The following PCDHGA2 variants were observed in gnomAD, a reference collection of about 807,000 sequenced individuals.
The protein encoded by PCDHGA2 is protocadherin gamma-A2.
PCDHGA2 carries 40 observed loss-of-function variants against 59.2 expected under a neutral mutation model. The ratio of observed to expected loss-of-function variants is 0.68; its 90% CI spans 0.52 to 0.88. The LOEUF (loss-of-function observed/expected upper bound fraction) is 0.88. Among genes scored for constraint, PCDHGA2 ranks in the 40% least tolerant of loss-of-function variants. PCDHGA2 has a pLI of 0.00. For missense variants in PCDHGA2, 1,226 were observed against 1,204.0 expected (o/e 1.02, Z -0.27); for synonymous variants, 560 against 526.0 (o/e 1.06, Z -0.89).
chr5:141,486,506 A>C lies in PCDHGA2; in HGVS notation c.2425-8301A>C. The C allele has an allele frequency of 6.2e-7, 1 of 1,614,134 alleles. No individual in the cohort carries two copies. The highest frequency in any genetic ancestry group is 8.5e-7 in the Non-Finnish European group (1 of 1,180,006). Reference sequence around the variant, plus strand: ...TACCCACAGAACTATTTTCCTCAATATTTCAGATGTGAATGATAATCCACC... The same window carrying C: ...TACCCACAGAACTATTTTCCTCAATCTTTCAGATGTGAATGATAATCCACC... On this transcript the variant is annotated intron_variant, in intron 1 of 3. Transcript: ENST00000394576. The surrounding 1 kb of genome is among the most constrained non-coding windows in gnomAD (Gnocchi z 5.0).
chr5:141,355,236 G>A (rs758078780), intron 1 of PCDHGA2: 7 of 1,612,186 alleles, frequency 4.3e-6, no homozygotes, highest in African/African-American at 2.7e-5. Flanking sequence ...ACCACACCCG[G>A]CTGCTCCAGA....
chr5:141,338,775 C>T lies in PCDHGA2; in HGVS notation c.-197C>T. 1 of 1,290,160 alleles carries T rather than the reference C, an allele frequency of 7.8e-7. No individual in the cohort carries two copies. The highest frequency in any genetic ancestry group is 9.8e-7 in the Non-Finnish European group (1 of 1,021,504). The allele number at this position is 1,290,160 out of a possible 1,614,324, so 79.9% of individuals were successfully genotyped here. A position where few individuals can be genotyped will look rare whatever the true frequency, so the allele number is the denominator to read the frequency against. On this transcript the variant is annotated 5_prime_UTR_variant, in exon 1 of 4. Coordinates refer to ENST00000394576, the MANE Select transcript of PCDHGA2 (RefSeq NM_018915.4). ...CGAGACATCCAATCCAGCAATACGG[C>T]TCCCACAGCACAAGGGGGTGGAGGT...
At position 141,371,773 on chromosome 5, in the gene PCDHGA2, A is replaced by C. The variant is rs148367405; in HGVS notation, c.2424+30378A>C. The C allele has an allele frequency of 2.9e-5, 46 of 1,614,020 alleles. No individual in the cohort carries two copies. In the Middle Eastern group the frequency reaches 6.6e-4, roughly 23 times the overall value. On this transcript the variant is annotated intron_variant, in intron 1 of 3. Coordinates refer to ENST00000394576, the MANE Select transcript of PCDHGA2 (RefSeq NM_018915.4). ...TTCCACCAGGCCTCCTACACCGTGC[A>C]TGTAGCTGAGAACAATCCGCCTGGA...
chr5:141,362,539 T>A (rs773303808), intron 1 of PCDHGA2: 1 of 1,613,828 alleles, frequency 6.2e-7, no homozygotes, highest in South Asian at 1.1e-5. Flanking sequence ...CCCTTTTGCC[T>A]CAGATACTAT....
chr5:141,405,677 C>T (rs1204978047), intron 1 of PCDHGA2, among the ~76,000 whole-genome samples: 3 of 152,088 alleles, frequency 2.0e-5, no homozygotes, highest in African/African-American at 7.2e-5. Context: ...GGGGTGTCAC[C>T]ATGTTGGCCA....
At chr5:141,420,501 A>T in intron 1 of PCDHGA2, 1 of 469,392 alleles carries the variant, frequency 2.1e-6, no homozygotes, top group East Asian at 4.1e-5. Context: ...CTCCGGTGAC[A>T]TTTTTATGAA....
chr5:141,423,297 C>G lies in PCDHGA2; in HGVS notation c.2425-71510C>G, dbSNP rs1322889810. 3 of 1,614,170 alleles carry G rather than the reference C, an allele frequency of 1.9e-6. 1 individual carries two copies. The South Asian group carries it at 3.3e-5, about 18-fold the overall frequency. The stretch of plus-strand genomic sequence containing the variant: ...TGGCTAACTCTGAAACCTCAGACCT[C>G]TCGCTGTACTTGGTGGTGGCGGTGG... On this transcript the variant is annotated intron_variant, in intron 1 of 3. Transcript: ENST00000394576.
Position 141,358,404 on chromosome 5 carries a change from C to G in PCDHGA2, c.2424+17009C>G, listed in dbSNP as rs1760908931. Among the ~76,000 whole-genome samples, 4 of 152,218 alleles carry G rather than the reference C, an allele frequency of 2.6e-5. No individual in the cohort carries two copies. The South Asian group carries it at 8.3e-4, about 32-fold the overall frequency. ...CATGCTTTGCTTGAAGTTTACTTTTCCTTCCTTGAAAGGGTATTTTCCATT... is the reference window on the plus strand; with the variant it reads ...CATGCTTTGCTTGAAGTTTACTTTTGCTTCCTTGAAAGGGTATTTTCCATT... On this transcript the variant is annotated intron_variant, in intron 1 of 3. Transcript: ENST00000394576.
At chr5:141,380,474 C>T (rs1452214567) in intron 1 of PCDHGA2, among the ~76,000 whole-genome samples, 1 of 152,180 alleles carries the variant, frequency 6.6e-6, no homozygotes, top group Non-Finnish European at 1.5e-5. Context: ...GGTCAGGATT[C>T]TTCCCAATAT....
rs767330174 is a variant in PCDHGA2, at chr5:141,491,818, C to T, written c.2425-2989C>T. The T allele has an allele frequency of 1.6e-5, 24 of 1,481,560 alleles. No homozygotes were observed. The highest frequency in any genetic ancestry group is 1.9e-5 in the Non-Finnish European group (21 of 1,116,446). 91.8% of individuals were successfully genotyped at this position (1,481,560 alleles called of 1,614,324 possible). A position where few individuals can be genotyped will look rare whatever the true frequency, so the allele number is the denominator to read the frequency against. On this transcript the variant is annotated intron_variant, in intron 1 of 3. Transcript: ENST00000394576. This position sits in a 1 kb window ranked among gnomAD's most constrained non-coding sequence, Gnocchi z 6.9. ...CTCCGGCCGGCTTGGTCGCTGGCTGCGCTCCACCCGATTCTCGGGATCATT... is the reference window on the plus strand; with the variant it reads ...CTCCGGCCGGCTTGGTCGCTGGCTGTGCTCCACCCGATTCTCGGGATCATT...
chr5:141,451,521 TAAAGG>T (rs1187561043), intron 1 of PCDHGA2, among the ~76,000 whole-genome samples: 1 of 152,148 alleles, frequency 6.6e-6, no homozygotes, highest in Non-Finnish European at 1.5e-5. Context: ...TTAGAGCAAG[TAAAGG>T]AGAGTGCCAG....
chr5:141,405,041 G>A (rs1276032851), intron 1 of PCDHGA2: 1 of 1,613,976 alleles, frequency 6.2e-7, no homozygotes, highest in Non-Finnish European at 8.5e-7. Flanking sequence ...CGTTGTGGCT[G>A]TGGCAGTCGT....
intron 1 of PCDHGA2, chr5:141,371,951 C>T: frequency 6.2e-7 from 1 of 1,613,306 alleles, no homozygotes; most frequent in Non-Finnish European, 8.5e-7. Context: ...CGCAGCGAGC[C>T]TTCGACCACG....
In PCDHGA2 at chr5:141,487,562, G is replaced by A. The variant is rs140619162; in HGVS notation, c.2425-7245G>A. The A allele has an allele frequency of 7.7e-5, 125 of 1,614,060 alleles. 1 individual carries two copies. The highest frequency in any genetic ancestry group is 5.7e-4 in the Admixed American group (34 of 60,006). On this transcript the variant is annotated intron_variant, in intron 1 of 3. Transcript: ENST00000394576. The surrounding 1 kb of genome is among the most constrained non-coding windows in gnomAD (Gnocchi z 5.0). ...GAAGTCACCCAGTGCACCTATGGCA[G>A]GGGAGCCTGTTCGCCCAAGCTGCCC...
At position 141,341,300 on chromosome 5, in the gene PCDHGA2, G is replaced by A. The variant is rs1757043118; in HGVS notation, c.2329G>A (p.Asp777Asn). The A allele has an allele frequency of 6.2e-7, 1 of 1,614,114 alleles. No homozygotes were observed. The highest frequency in any genetic ancestry group is 1.7e-5 in the Admixed American group (1 of 60,016). Reference sequence around the variant, plus strand: ...GATTTTCCCCCAGCCCAACTATGCGGACACGCTCATCAGCCAGGAGAGCTG... The same window carrying A: ...GATTTTCCCCCAGCCCAACTATGCGAACACGCTCATCAGCCAGGAGAGCTG... ...HLIFPQPNYADTLISQESCEK... is the reference protein window; with the variant it reads ...HLIFPQPNYANTLISQESCEK... Residue 777 changes from aspartate (D) to asparagine (N), a missense_variant, in exon 1 of 4, where the codon GAC becomes AAC. By Grantham distance (23) the Asp-to-Asn change is conservative. Transcript: ENST00000394576.
At position 141,341,169 on chromosome 5, in the gene PCDHGA2, CA is replaced by C; in HGVS notation, c.2199del (p.Gly734AlafsTer35). ...CTGCAGGCTTCAGGAGGCAGCTTGA[CA>C]GGCATGCAGAGCTCGCACTTTGTGG... ...RLLQASGGSL[T>X]GMQSSHFVGV... On this transcript the variant is annotated frameshift_variant, in exon 1 of 4. Transcript: ENST00000394576. LOFTEE classifies it high-confidence loss of function. The C allele has an allele frequency of 1.9e-6, 3 of 1,614,196 alleles. No homozygotes were observed. The highest frequency in any genetic ancestry group is 1.3e-5 in the African/African-American group (1 of 75,064).
At chr5:141,459,237 C>T (rs1004453705) in intron 1 of PCDHGA2, among the ~76,000 whole-genome samples, 1 of 152,214 alleles carries the variant, frequency 6.6e-6, no homozygotes, top group Admixed American at 6.5e-5. Flanking sequence ...AACTGGTCTG[C>T]TTCCTGTCAC....
chr5:141,492,911 G>A (rs1008138353), intron 1 of PCDHGA2, among the ~76,000 whole-genome samples: 1 of 152,216 alleles, frequency 6.6e-6, no homozygotes, highest in Admixed American at 6.5e-5. Context: ...TGATCACAAT[G>A]TGCCCAGCGA....
At chr5:141,456,949 C>A (rs1277351419) in intron 1 of PCDHGA2, among the ~76,000 whole-genome samples, 2 of 152,080 alleles carry the variant, frequency 1.3e-5, no homozygotes, top group East Asian at 3.9e-4. Flanking sequence ...GGCAACAGAG[C>A]AAAACTCCAT....
Sources: allele counts gnomAD v4.1 joint callset (sites outside exome capture counted in the v4.1 genomes callset), GRCh38; gene constraint gnomAD v4.1.1; non-coding constraint Gnocchi (gnomAD v3.1); transcripts MANE v1.5; gene names NCBI Gene and HGNC (gene_info 2026-07-23, HGNC 2026-07-21).